WFS1: variants seen among roughly 807,000 people sequenced by gnomAD.
WFS1 encodes wolframin ER transmembrane glycoprotein.
A neutral mutation model predicts 68.5 loss-of-function variants in WFS1; 90 were observed. The ratio of observed to expected loss-of-function variants is 1.31; its 90% CI spans 1.11 to 1.56. The LOEUF is 1.56. WFS1 is among the 40% of genes most tolerant of loss of function. WFS1 has a pLI of 0.00. For synonymous variants in WFS1, 860 were observed against 540.7 expected, an observed-to-expected ratio of 1.59 and a Z score of -8.19; for missense variants, 1,767 against 1,232.6, an observed-to-expected ratio of 1.43 and a Z score of -6.49.
chr4:6,294,480 AG>A (rs1730568456), intron 6 of WFS1, among the ~76,000 whole-genome samples: 1 of 30,050 alleles, frequency 3.3e-5, no homozygotes, highest in Non-Finnish European at 7.5e-5. Flanking sequence ...TGGAGGTGTC[AG>A]CAGGCACATA....
At chr4:6,286,316 A>G (rs1043548189) in intron 2 of WFS1, among the ~76,000 whole-genome samples, 4 of 152,126 alleles carry the variant, frequency 2.6e-5, no homozygotes, top group African/African-American at 7.2e-5. Context: ...TTTACGGTGG[A>G]ATTAGTGCCC....
intron 1 of WFS1, 44 bp from the exon 2 acceptor site, chr4:6,277,407 G>T: frequency 2.6e-6 from 4 of 1,531,502 alleles, no homozygotes; most frequent in Middle Eastern, 3.5e-4. Context: ...GCCAGAGCGG[G>T]CTCTGCCGGT....
intron 6 of WFS1, 150 bp from the exon 7 acceptor site, chr4:6,294,891 G>A (rs1290945236): frequency 2.2e-6 from 3 of 1,344,422 alleles, no homozygotes; most frequent in Non-Finnish European, 3.1e-6. Context: ...CAACCCTCAG[G>A]CCGCCCAGGG....
chr4:6,298,922 G>A (rs867773929), intron 7 of WFS1, among the ~76,000 whole-genome samples: 1 of 152,202 alleles, frequency 6.6e-6, no homozygotes, highest in Non-Finnish European at 1.5e-5. Context: ...GCTGATGGGG[G>A]GCTCCAGCCT....
In WFS1 at chr4:6,301,214, C is replaced by T. The variant is rs150997327; in HGVS notation, c.1419C>T (p.Ser473=). 5.4e-5 allele frequency: 87 copies of T among 1,612,194 alleles called. No individual in the cohort carries two copies. In the African/African-American group the frequency reaches 7.9e-4, roughly 15 times the overall value. The change falls in exon 8 of 8, where the codon TCC becomes TCT. Residue 473 remains serine, a synonymous_variant. Transcript: ENST00000226760. ...VTAGLLSLLP[S]MPLNWPYLKV... ...CCGGCCTGCTATCGCTGCTGCCCTCCATGCCCTTGAATTGGCCCTACCTGA... is the reference window on the plus strand; with the variant it reads ...CCGGCCTGCTATCGCTGCTGCCCTCTATGCCCTTGAATTGGCCCTACCTGA...
At position 6,277,703 on chromosome 4, in the gene WFS1, G is replaced by T; in HGVS notation, c.232+16G>T. ...GACGGCACCGGTAAGGGAGCAGGCT[G>T]GGAAGCCCAGGCTGGGGATGTTCAG... On this transcript the variant is annotated intron_variant, in intron 2 of 7. Transcript: ENST00000226760. The T allele has an allele frequency of 1.3e-6, 2 of 1,550,994 alleles. No homozygotes were observed. The highest frequency in any genetic ancestry group is 8.7e-7 in the Non-Finnish European group (1 of 1,148,182).
chr4:6,279,184 G>A (rs1158392543), intron 2 of WFS1, among the ~76,000 whole-genome samples: 1 of 152,220 alleles, frequency 6.6e-6, no homozygotes, highest in Middle Eastern at 3.2e-3. Context: ...CAGGGTCCCT[G>A]CCAGTAGCAG....
chr4:6,291,375 G>T lies in WFS1; in HGVS notation c.631+8G>T. 1 of 1,611,546 alleles carries T rather than the reference G, an allele frequency of 6.2e-7. No homozygotes were observed. The highest frequency in any genetic ancestry group is 8.5e-7 in the Non-Finnish European group (1 of 1,179,966). On this transcript the variant is annotated splice_region_variant and intron_variant, in intron 5 of 7. Coordinates refer to ENST00000226760, the MANE Select transcript of WFS1 (RefSeq NM_006005.3). ...GCCAGGTCAACGAGCACGGTGCGAG[G>T]ATTCACCCTGGGCACCAGCCTTCCC...
chr4:6,292,612 A>G (rs958192605), intron 6 of WFS1, among the ~76,000 whole-genome samples: 2 of 152,070 alleles, frequency 1.3e-5, no homozygotes, highest in Non-Finnish European at 2.9e-5. Context: ...ACTGTCTTCC[A>G]TCCACGTGGG....
intron 6 of WFS1, among the ~76,000 whole-genome samples, chr4:6,294,361 C>T (rs1007708811): frequency 6.6e-6 from 1 of 152,092 alleles, no homozygotes; most frequent in African/African-American, 2.4e-5. Context: ...ACGTAGCAGG[C>T]TCTTGGTGGA....
chr4:6,286,068 C>T (rs1730300991), intron 2 of WFS1, among the ~76,000 whole-genome samples: 1 of 151,974 alleles, frequency 6.6e-6, no homozygotes, highest in South Asian at 2.1e-4. Context: ...TTGGAAGCAA[C>T]CTACAGACCT....
At chr4:6,295,592 CAA>C (rs1285003014) in intron 7 of WFS1, among the ~76,000 whole-genome samples, 17 of 152,182 alleles carry the variant, frequency 1.1e-4, no homozygotes, top group African/African-American at 4.1e-4. Context: ...TCCCCGAAAA[CAA>C]AGTGCCGTGT....
At position 6,301,015 on chromosome 4, in the gene WFS1, A is replaced by G. The variant is rs140407862; in HGVS notation, c.1220A>G (p.His407Arg). ...TGGAACCACCTGGAGCCCTATGCCCATTTCCTGCTCTCTGTCTTCTTCGTC... is the reference window on the plus strand; with the variant it reads ...TGGAACCACCTGGAGCCCTATGCCCGTTTCCTGCTCTCTGTCTTCTTCGTC... ...FGWNHLEPYAHFLLSVFFVIF... is the reference protein window; with the variant it reads ...FGWNHLEPYARFLLSVFFVIF... The change falls in exon 8 of 8, where the codon CAT becomes CGT. Residue 407 changes from histidine (H) to arginine (R), a missense_variant. His to Arg is a conservative substitution (Grantham distance 29). Transcript: ENST00000226760. 27 of 1,613,886 alleles carry G rather than the reference A, an allele frequency of 1.7e-5. No homozygotes were observed. The African/African-American group carries it at 3.6e-4, about 22-fold the overall frequency.
At chr4:6,271,459 C>T (rs1729836443) in intron 1 of WFS1, among the ~76,000 whole-genome samples, 1 of 152,228 alleles carries the variant, frequency 6.6e-6, no homozygotes, top group Non-Finnish European at 1.5e-5. Flanking sequence ...TCTCAACCCC[C>T]AGAGATGTCT....
chr4:6,291,502 G>C (rs1292292387), intron 5 of WFS1, 135 bp downstream of exon 5: 1 of 1,221,400 alleles, frequency 8.2e-7, no homozygotes, highest in Non-Finnish European at 1.2e-6. Flanking sequence ...TTCCCTGTGA[G>C]GACAGGGCCC....
rs200123941 is a variant in WFS1, at chr4:6,299,465, GGTGCACGTGTGGGGGTGGGT to G, written c.862-1180_862-1161del. Among the ~76,000 whole-genome samples the G allele has an allele frequency of 7.7e-3, 1,150 of 149,912 alleles. 22 individuals are homozygous for G. The highest frequency in any genetic ancestry group is 0.027 in the African/African-American group (1,061 of 39,966). On this transcript the variant is annotated intron_variant, in intron 7 of 7. Coordinates refer to ENST00000226760, the MANE Select transcript of WFS1 (RefSeq NM_006005.3). The stretch of plus-strand genomic sequence containing the variant: ...GTAGGGGTGGGTGTGCATGTGTGAG[GGTGCACGTGTGGGGGTGGGT>G]GTGCACGTGTGTGTAGGGGTGGGTT...
chr4:6,299,690 CGT>C (rs1287543650), intron 7 of WFS1, among the ~76,000 whole-genome samples: 1 of 70,282 alleles, frequency 1.4e-5, no homozygotes, highest in African/African-American at 6.0e-5. Context: ...GGGTAGGTTG[CGT>C]GTGTGTGAAT....
chr4:6,292,729 C>A (rs886328633), intron 6 of WFS1, among the ~76,000 whole-genome samples: 1 of 152,166 alleles, frequency 6.6e-6, no homozygotes, highest in African/African-American at 2.4e-5. Context: ...AGACCCAGGT[C>A]TGCCACAGAC....
At chr4:6,272,858 C>G (rs1006973214) in intron 1 of WFS1, among the ~76,000 whole-genome samples, 2 of 152,176 alleles carry the variant, frequency 1.3e-5, no homozygotes, top group Non-Finnish European at 2.9e-5. Flanking sequence ...CCACCTTTTC[C>G]TTGTCTCAAA....
Sources: allele counts gnomAD v4.1 joint callset (sites outside exome capture counted in the v4.1 genomes callset), GRCh38; gene constraint gnomAD v4.1.1; transcripts MANE v1.5; gene names NCBI Gene and HGNC (gene_info 2026-07-23, HGNC 2026-07-21).